CFAP299: variants seen among roughly 807,000 people sequenced by gnomAD.
CFAP299 encodes cilia and flagella associated protein 299.
Under a neutral mutation model 27.0 loss-of-function variants are expected in CFAP299, and 21 were observed. The ratio of observed to expected loss-of-function variants is 0.78; its 90% CI spans 0.55 to 1.12. CFAP299 has a LOEUF of 1.12. Among genes scored for constraint, CFAP299 ranks in the 50% most tolerant of loss-of-function variants. The pLI is 0.00. For synonymous variants in CFAP299, 104 were observed against 98.1 expected (o/e 1.06, Z -0.36); for missense variants, 310 against 276.6 (o/e 1.12, Z -0.86).
At chr4:80,384,113 A>G (rs549658881) in intron 2 of CFAP299, among the ~76,000 whole-genome samples, 53 of 152,102 alleles carry the variant, frequency 3.5e-4, no homozygotes, top group African/African-American at 1.2e-3. Context: ...CATTGTTTTC[A>G]TTTTTTATAT....
chr4:80,824,981 T>C (rs1729906480), intron 3 of CFAP299, among the ~76,000 whole-genome samples: 1 of 151,968 alleles, frequency 6.6e-6, no homozygotes, highest in Admixed American at 6.6e-5. Context: ...GTCTTTGCTA[T>C]CTTAAAGATA....
chr4:80,908,327 G>C (rs1735289422), intron 4 of CFAP299, among the ~76,000 whole-genome samples: 1 of 152,200 alleles, frequency 6.6e-6, no homozygotes, highest in East Asian at 1.9e-4. Flanking sequence ...TACAAAGTCT[G>C]TAACACTTAA....
intron 5 of CFAP299, among the ~76,000 whole-genome samples, chr4:80,951,871 A>T (rs1292332782): frequency 3.3e-5 from 5 of 152,230 alleles, no homozygotes; most frequent in African/African-American, 1.2e-4. Context: ...GACTGCACAG[A>T]CTAGAAAGCA....
chr4:80,600,865 A>G (rs975143930), intron 3 of CFAP299, among the ~76,000 whole-genome samples: 1 of 152,140 alleles, frequency 6.6e-6, no homozygotes, highest in African/African-American at 2.4e-5. Context: ...TAGTTGAACC[A>G]CTTTGGAAAA....
intron 5 of CFAP299, among the ~76,000 whole-genome samples, chr4:80,947,843 G>A (rs1307192909): frequency 6.6e-6 from 1 of 151,992 alleles, no homozygotes; most frequent in African/African-American, 2.4e-5. Flanking sequence ...TTTATTTCAT[G>A]CATCCAACAT....
intron 3 of CFAP299, among the ~76,000 whole-genome samples, chr4:80,861,334 A>G (rs1043887002): frequency 6.6e-6 from 1 of 152,134 alleles, no homozygotes; most frequent in Admixed American, 6.5e-5. Context: ...TTGACTAGGA[A>G]CGGGAACTCC....
At chr4:80,613,095 G>T (rs1029544010) in intron 3 of CFAP299, among the ~76,000 whole-genome samples, 1 of 152,074 alleles carries the variant, frequency 6.6e-6, no homozygotes, top group Non-Finnish European at 1.5e-5. Context: ...AGTAAGCAAG[G>T]CATGGGGAGC....
At chr4:80,747,260 T>C (rs1724673256) in intron 3 of CFAP299, among the ~76,000 whole-genome samples, 1 of 152,076 alleles carries the variant, frequency 6.6e-6, no homozygotes, top group South Asian at 2.1e-4. Context: ...ATGTACTGTA[T>C]ATAATTGTAT....
At chr4:80,918,512 T>C (rs1013703583) in intron 4 of CFAP299, among the ~76,000 whole-genome samples, 3 of 152,070 alleles carry the variant, frequency 2.0e-5, no homozygotes, top group Non-Finnish European at 4.4e-5. Flanking sequence ...GATTTTATAA[T>C]ACTATTATTT....
intron 2 of CFAP299, among the ~76,000 whole-genome samples, chr4:80,559,044 T>G (rs1259568380): frequency 6.6e-6 from 1 of 152,202 alleles, no homozygotes; most frequent in East Asian, 1.9e-4. Flanking sequence ...CTCCACAAAT[T>G]GTGCAGGTCT....
At chr4:80,938,023 CCTCT>C (rs1737000346) in intron 4 of CFAP299, among the ~76,000 whole-genome samples, 1 of 152,018 alleles carries the variant, frequency 6.6e-6, no homozygotes, top group East Asian at 1.9e-4. Context: ...TTTACTTCTC[CCTCT>C]ATTTTATGTA....
chr4:80,842,781 ATATT>A (rs1338839552), intron 3 of CFAP299, among the ~76,000 whole-genome samples: 1 of 152,240 alleles, frequency 6.6e-6, no homozygotes, highest in East Asian at 1.9e-4. Flanking sequence ...AGAGTAAGGA[ATATT>A]TACTAGCCTG....
chr4:80,865,026 T>A (rs998727958), intron 3 of CFAP299, among the ~76,000 whole-genome samples: 1 of 152,136 alleles, frequency 6.6e-6, no homozygotes, highest in African/African-American at 2.4e-5. Flanking sequence ...AACCTGAATA[T>A]CATGGGAAGC....
chr4:80,625,895 A>C (rs545004480), intron 3 of CFAP299, among the ~76,000 whole-genome samples: 1 of 152,144 alleles, frequency 6.6e-6, no homozygotes, highest in South Asian at 2.1e-4. Flanking sequence ...AAGTAAATAT[A>C]AATAAATTTG....
intron 2 of CFAP299, among the ~76,000 whole-genome samples, chr4:80,410,766 A>G (rs1349851153): frequency 1.3e-5 from 2 of 152,194 alleles, no homozygotes; most frequent in African/African-American, 2.4e-5. Flanking sequence ...AGATAACGAA[A>G]TAGACTAAGA....
At chr4:80,599,628 C>A (rs945382058) in intron 3 of CFAP299, among the ~76,000 whole-genome samples, 4 of 151,782 alleles carry the variant, frequency 2.6e-5, no homozygotes, top group Non-Finnish European at 5.9e-5. Flanking sequence ...ATTTAAGGAC[C>A]CATATTAACA....
chr4:80,475,277 C>T (rs1395530633), intron 2 of CFAP299, among the ~76,000 whole-genome samples: 1 of 152,108 alleles, frequency 6.6e-6, no homozygotes, highest in East Asian at 1.9e-4. Flanking sequence ...GGTTGTAGTG[C>T]AATGTGCAGA....
chr4:80,585,222 A>T (rs181508585), intron 3 of CFAP299, among the ~76,000 whole-genome samples: 26 of 151,852 alleles, frequency 1.7e-4, no homozygotes, highest in African/African-American at 5.8e-4. Flanking sequence ...GTCTTTGGAG[A>T]TAGATAGATG....
At chr4:80,391,035 A>C (rs1474771873) in intron 2 of CFAP299, among the ~76,000 whole-genome samples, 1 of 119,680 alleles carries the variant, frequency 8.4e-6, no homozygotes, top group Non-Finnish European at 1.8e-5. Flanking sequence ...ATATATGTAT[A>C]CACACACACA....
Sources: allele counts gnomAD v4.1 joint callset (sites outside exome capture counted in the v4.1 genomes callset), GRCh38; gene constraint gnomAD v4.1.1; transcripts MANE v1.5; gene names NCBI Gene and HGNC (gene_info 2026-07-23, HGNC 2026-07-21).